The following SLC4A10 variants were observed in gnomAD, a reference collection of about 807,000 sequenced individuals.
SLC4A10 encodes sodium-driven chloride bicarbonate exchanger.
A neutral mutation model predicts 137.7 loss-of-function variants in SLC4A10; 42 were observed. The observed-to-expected ratio is 0.30, with a 90% confidence interval of 0.24 to 0.39. The LOEUF is 0.39. Among genes scored for constraint, SLC4A10 ranks in the 10% least tolerant of loss-of-function variants. SLC4A10 has a pLI of 1.00. For missense variants in SLC4A10, 925 were observed against 1,355.0 expected (o/e 0.68, Z 4.98); for synonymous variants, 474 against 464.1 (o/e 1.02, Z -0.27).
intron 4 of SLC4A10, 103 bp downstream of exon 4, chr2:161,840,030 CT>C (rs2059083220): frequency 7.1e-7 from 1 of 1,414,396 alleles, no homozygotes; most frequent in South Asian, 1.3e-5. Flanking sequence ...ATGATTGCTG[CT>C]GATTTTAGAA....
At chr2:161,862,013 A>G (rs952131429) in intron 5 of SLC4A10, among the ~76,000 whole-genome samples, 61 of 152,210 alleles carry the variant, frequency 4.0e-4, no homozygotes, top group Non-Finnish European at 5.9e-5. Flanking sequence ...AAACAATTAG[A>G]GTTAATGTTT....
intron 21 of SLC4A10, among the ~76,000 whole-genome samples, chr2:161,962,737 A>T (rs1696934006): frequency 6.6e-6 from 1 of 152,162 alleles, no homozygotes; most frequent in Non-Finnish European, 1.5e-5. Context: ...TGAGGAAAGG[A>T]AGGCCATGTC....
At chr2:161,862,542 A>G (rs1306549103) in intron 5 of SLC4A10, among the ~76,000 whole-genome samples, 2 of 152,316 alleles carry the variant, frequency 1.3e-5, no homozygotes, top group African/African-American at 2.4e-5. Flanking sequence ...CTCTACAGCT[A>G]TTCCTCCCAT....
intron 1 of SLC4A10, among the ~76,000 whole-genome samples, chr2:161,687,893 T>C (rs1019729300): frequency 6.6e-6 from 1 of 152,202 alleles, no homozygotes; most frequent in African/African-American, 2.4e-5. Flanking sequence ...TCCCCAGCCA[T>C]GTGGAACTGT....
chr2:161,861,709 A>T (rs1310775944), intron 5 of SLC4A10, among the ~76,000 whole-genome samples: 1 of 152,192 alleles, frequency 6.6e-6, no homozygotes, highest in Non-Finnish European at 1.5e-5. Flanking sequence ...TCAATATTCC[A>T]ATCAGTGCAT....
chr2:161,687,389 A>G (rs2041542389), intron 1 of SLC4A10, among the ~76,000 whole-genome samples: 1 of 152,148 alleles, frequency 6.6e-6, no homozygotes, highest in South Asian at 2.1e-4. Flanking sequence ...TCTGTAATAA[A>G]CAAGTATTAT....
chr2:161,808,262 C>T (rs58585766), intron 3 of SLC4A10, among the ~76,000 whole-genome samples: 15 of 152,006 alleles, frequency 9.9e-5, no homozygotes, highest in African/African-American at 3.1e-4. Flanking sequence ...ATTTCATTTT[C>T]GATTTATTTT....
Position 161,839,810 on chromosome 2 carries a change from A to G in SLC4A10, c.299A>G (p.Gln100Arg). The change falls in exon 4 of 27, where the codon CAG becomes CGG. Residue 100 changes from glutamine to arginine, a missense_variant. Transcript: ENST00000446997. ...PSFDTPSQRVQFILGTEDDDE... is the reference protein window; with the variant it reads ...PSFDTPSQRVRFILGTEDDDE... ...TTAGACACCCCATCACAGAGGGTAC[A>G]GTTTATTCTTGGAACCGAGGATGAT... 6.2e-7 allele frequency: 1 copy of G among 1,613,820 alleles called. No homozygotes were observed. The highest frequency in any genetic ancestry group is 8.5e-7 in the Non-Finnish European group (1 of 1,179,808).
At chr2:161,825,656 G>T (rs1388731711) in intron 3 of SLC4A10, among the ~76,000 whole-genome samples, 1 of 152,114 alleles carries the variant, frequency 6.6e-6, no homozygotes, top group African/African-American at 2.4e-5. Flanking sequence ...CACACACTCA[G>T]ATTGAGTGCT....
At chr2:161,788,361 AT>A (rs1292305502) in intron 2 of SLC4A10, among the ~76,000 whole-genome samples, 2 of 151,968 alleles carry the variant, frequency 1.3e-5, no homozygotes, top group Non-Finnish European at 2.9e-5. Context: ...TGGTGGTGCA[AT>A]TCAGTCTTCA....
intron 1 of SLC4A10, among the ~76,000 whole-genome samples, chr2:161,680,540 G>C (rs899520236): frequency 7.2e-5 from 11 of 151,846 alleles, no homozygotes; most frequent in Non-Finnish European, 1.3e-4. Context: ...TGTGGGATGA[G>C]GTCAGATTAC....
intron 10 of SLC4A10, among the ~76,000 whole-genome samples, chr2:161,887,294 A>G (rs2062416597): frequency 6.6e-6 from 1 of 152,182 alleles, no homozygotes; most frequent in South Asian, 2.1e-4. Context: ...ACGTATCTTT[A>G]TAGTAGAATG....
At chr2:161,705,227 T>C (rs2125028892) in intron 1 of SLC4A10, among the ~76,000 whole-genome samples, 1 of 151,664 alleles carries the variant, frequency 6.6e-6, no homozygotes, top group South Asian at 2.1e-4. Context: ...CAGTGACTTA[T>C]ATTGGGGAAA....
intron 26 of SLC4A10, among the ~76,000 whole-genome samples, chr2:161,980,585 G>T (rs1700084125): frequency 6.6e-6 from 1 of 152,068 alleles, no homozygotes; most frequent in African/African-American, 2.4e-5. Flanking sequence ...CGACGTGGAG[G>T]TTGCAGTGAG....
At chr2:161,740,248 T>C (rs1298387361) in intron 1 of SLC4A10, among the ~76,000 whole-genome samples, 1 of 152,164 alleles carries the variant, frequency 6.6e-6, no homozygotes, top group Non-Finnish European at 1.5e-5. Flanking sequence ...GAAAGGTACT[T>C]ATAGGGCACT....
At chr2:161,778,771 T>A (rs1036598086) in intron 2 of SLC4A10, among the ~76,000 whole-genome samples, 1 of 151,734 alleles carries the variant, frequency 6.6e-6, no homozygotes, top group Non-Finnish European at 1.5e-5. Flanking sequence ...AAAGATACTT[T>A]AAAAAAAACT....
chr2:161,865,551 G>A (rs2060689884), intron 6 of SLC4A10, among the ~76,000 whole-genome samples: 1 of 152,062 alleles, frequency 6.6e-6, no homozygotes. Context: ...TATGCTGTCA[G>A]AAGTGGTTTT....
intron 1 of SLC4A10, among the ~76,000 whole-genome samples, chr2:161,721,475 T>C (rs2045664329): frequency 1.3e-5 from 2 of 152,336 alleles, no homozygotes; most frequent in East Asian, 3.9e-4. Context: ...AAATTTTGGG[T>C]TAGAAATTCT....
At chr2:161,684,272 GTTTA>G (rs2124852786) in intron 1 of SLC4A10, among the ~76,000 whole-genome samples, 1 of 152,160 alleles carries the variant, frequency 6.6e-6, no homozygotes, top group African/African-American at 2.4e-5. Flanking sequence ...ATTACATTTT[GTTTA>G]TTCATTCATC....
Sources: allele counts gnomAD v4.1 joint callset (sites outside exome capture counted in the v4.1 genomes callset), GRCh38; gene constraint gnomAD v4.1.1; transcripts MANE v1.5; gene names NCBI Gene and HGNC (gene_info 2026-07-23, HGNC 2026-07-21).